The following MEI4 variants were observed in gnomAD, a reference collection of about 807,000 sequenced individuals.
The protein encoded by MEI4 is meiosis-specific protein MEI4.
MEI4 carries 27 observed loss-of-function variants against 31.4 expected under a neutral mutation model. The observed-to-expected ratio is 0.86, with a 90% CI of 0.63 to 1.19. MEI4 has a LOEUF of 1.19. MEI4 is among the 50% of genes most tolerant of loss of function. MEI4 has a pLI of 0.00. For missense variants in MEI4, 329 were observed against 398.9 expected (o/e 0.82, Z 1.49); for synonymous variants, 122 against 145.4 (o/e 0.84, Z 1.16).
At chr6:77,697,245 GT>G (rs1415438890) in intron 2 of MEI4, among the ~76,000 whole-genome samples, 1 of 152,060 alleles carries the variant, frequency 6.6e-6, no homozygotes, top group African/African-American at 2.4e-5. Context: ...TTTTTGAAGA[GT>G]TTTTTGTGTC....
At chr6:77,906,189 TG>T (rs1159458514) in intron 4 of MEI4, among the ~76,000 whole-genome samples, 1 of 152,204 alleles carries the variant, frequency 6.6e-6, no homozygotes, top group Non-Finnish European at 1.5e-5. Flanking sequence ...TCCATTTCTT[TG>T]GGGCAACTAC....
intron 4 of MEI4, among the ~76,000 whole-genome samples, chr6:77,919,162 C>T (rs1181599093): frequency 2.6e-5 from 4 of 151,992 alleles, no homozygotes; most frequent in East Asian, 1.9e-4. Context: ...TAGACATCTA[C>T]AGAACTCTCC....
intron 3 of MEI4, among the ~76,000 whole-genome samples, chr6:77,819,959 GC>G (rs1443299448): frequency 1.3e-5 from 2 of 151,874 alleles, no homozygotes; most frequent in Non-Finnish European, 2.9e-5. Flanking sequence ...ACGTGTACCT[GC>G]TTTTTTTTCT....
At chr6:77,744,740 G>A (rs967708914) in intron 2 of MEI4, among the ~76,000 whole-genome samples, 3 of 152,182 alleles carry the variant, frequency 2.0e-5, no homozygotes, top group Admixed American at 2.0e-4. Flanking sequence ...TTACCCACAA[G>A]GGGAAGCCCA....
intron 3 of MEI4, among the ~76,000 whole-genome samples, chr6:77,766,822 T>G (rs1037230045): frequency 2.0e-5 from 3 of 152,190 alleles, no homozygotes; most frequent in Non-Finnish European, 4.4e-5. Context: ...CAGTAAAATA[T>G]GTTGACTTTT....
intron 4 of MEI4, among the ~76,000 whole-genome samples, chr6:77,840,279 A>C (rs1770327586): frequency 6.6e-6 from 1 of 152,208 alleles, no homozygotes; most frequent in Non-Finnish European, 1.5e-5. Context: ...GTGTACATGA[A>C]GACAGGTCAG....
At chr6:77,878,180 T>C (rs1771390706) in intron 4 of MEI4, among the ~76,000 whole-genome samples, 1 of 151,958 alleles carries the variant, frequency 6.6e-6, no homozygotes, top group African/African-American at 2.4e-5. Context: ...TACATACATT[T>C]TTCTATTTGG....
intron 1 of MEI4, among the ~76,000 whole-genome samples, chr6:77,654,003 G>A (rs567731619): frequency 6.6e-6 from 1 of 152,284 alleles, no homozygotes; most frequent in African/African-American, 2.4e-5. Flanking sequence ...ATTCAATAGA[G>A]TAAATAGTTC....
intron 4 of MEI4, among the ~76,000 whole-genome samples, chr6:77,918,051 C>G (rs1452412590): frequency 1.3e-5 from 2 of 151,294 alleles, no homozygotes; most frequent in African/African-American, 4.9e-5. Context: ...TTGTTTTTCT[C>G]AGGTTTGTCA....
intron 2 of MEI4, among the ~76,000 whole-genome samples, chr6:77,750,665 A>T (rs1400154779): frequency 6.6e-6 from 1 of 152,126 alleles, no homozygotes; most frequent in Non-Finnish European, 1.5e-5. Context: ...CCACACAATA[A>T]TATTGGGAGA....
At position 77,784,342 on chromosome 6, in the gene MEI4, A is replaced by G. The variant is rs183836047; in HGVS notation, c.768+22677A>G. Reference sequence around the variant, plus strand: ...CCGGTCTCTCAATATGATGCTATGTATTTTCTAATTTAAGCTGTTACTGAG... The same window carrying G: ...CCGGTCTCTCAATATGATGCTATGTGTTTTCTAATTTAAGCTGTTACTGAG... On this transcript the variant is annotated intron_variant, in intron 3 of 4. Coordinates refer to ENST00000684080, the MANE Select transcript of MEI4 (RefSeq NM_001322247.2). 8.2e-4 allele frequency among the ~76,000 whole-genome samples: 125 copies of G among 152,202 alleles called. 1 individual carries two copies. The highest frequency in any genetic ancestry group is 2.8e-3 in the African/African-American group (115 of 41,524).
chr6:77,910,736 C>A (rs776575125), intron 4 of MEI4, among the ~76,000 whole-genome samples: 3 of 152,040 alleles, frequency 2.0e-5, no homozygotes, highest in Non-Finnish European at 4.4e-5. Flanking sequence ...CATGGTGATG[C>A]AGGTATCCTT....
At chr6:77,652,539 G>C (rs1261375583), upstream of MEI4, among the ~76,000 whole-genome samples, 1 of 152,176 alleles carries the variant, frequency 6.6e-6, no homozygotes, top group Non-Finnish European at 1.5e-5. Flanking sequence ...CATTGAAAGA[G>C]CTGAGAGGAG....
At chr6:77,813,810 T>C (rs1417754543) in intron 3 of MEI4, among the ~76,000 whole-genome samples, 1 of 152,170 alleles carries the variant, frequency 6.6e-6, no homozygotes, top group Non-Finnish European at 1.5e-5. Flanking sequence ...ACTTGTCCAC[T>C]TATGGTTTTA....
intron 4 of MEI4, among the ~76,000 whole-genome samples, chr6:77,882,407 CATAGTT>C (rs1771510509): frequency 6.6e-6 from 1 of 152,134 alleles, no homozygotes; most frequent in African/African-American, 2.4e-5. Flanking sequence ...TGAATTGTGT[CATAGTT>C]ATATTCTTGG....
At position 77,802,322 on chromosome 6, in the gene MEI4, G is replaced by C. The variant is rs190040535; in HGVS notation, c.769-26609G>C. ...GCCTTTGTTTGTTTTCCATTTGCTT[G>C]GTAGATCTTCCTCCATCCCTTTATT... is the stretch of plus-strand genomic sequence containing the variant. On this transcript the variant is annotated intron_variant, in intron 3 of 4. Coordinates refer to ENST00000684080, the MANE Select transcript of MEI4 (RefSeq NM_001322247.2). 1.4e-3 allele frequency among the ~76,000 whole-genome samples: 209 copies of C among 152,128 alleles called. 1 individual carries two copies. The highest frequency in any genetic ancestry group is 4.4e-3 in the African/African-American group (183 of 41,502).
At chr6:77,752,749 A>G (rs1767808604) in intron 2 of MEI4, among the ~76,000 whole-genome samples, 1 of 152,228 alleles carries the variant, frequency 6.6e-6, no homozygotes, top group Non-Finnish European at 1.5e-5. Flanking sequence ...AGAATTGGAA[A>G]AAAACTAATT....
intron 4 of MEI4, among the ~76,000 whole-genome samples, chr6:77,872,619 G>A (rs982657856): frequency 5.3e-5 from 8 of 151,122 alleles, no homozygotes; most frequent in Non-Finnish European, 1.0e-4. Flanking sequence ...TAGGGTACAT[G>A]TGCACAATGT....
chr6:77,777,432 C>G (rs912091263), intron 3 of MEI4, among the ~76,000 whole-genome samples: 1 of 152,088 alleles, frequency 6.6e-6, no homozygotes, highest in African/African-American at 2.4e-5. Flanking sequence ...AATCCTGAAG[C>G]CCCGCTTCTG....
Sources: allele counts gnomAD v4.1 joint callset (sites outside exome capture counted in the v4.1 genomes callset), GRCh38; gene constraint gnomAD v4.1.1; transcripts MANE v1.5; gene names NCBI Gene and HGNC (gene_info 2026-07-23, HGNC 2026-07-21).